Variants in RARB observed in about 807,000 individuals in gnomAD.
RARB encodes HBV-activated protein.
RARB carries 17 observed loss-of-function variants against 51.9 expected under a neutral mutation model. That is an observed-to-expected ratio of 0.33 (90% CI 0.22 to 0.49). The LOEUF is 0.49. Among genes scored for constraint, RARB ranks in the 20% least tolerant of loss-of-function variants. The pLI, the probability that RARB is intolerant of heterozygous loss-of-function variation, is 0.99. For synonymous variants in RARB, 215 were observed against 195.4 expected (o/e 1.10, Z -0.84); for missense variants, 369 against 550.8 (o/e 0.67, Z 3.30).
intron 5 of RARB, among the ~76,000 whole-genome samples, chr3:25,200,167 A>G (rs1315891291): frequency 1.3e-5 from 2 of 152,144 alleles, no homozygotes; most frequent in African/African-American, 4.8e-5. Flanking sequence ...ATCTCACTGC[A>G]GTTTTGATTT....
intron 2 of RARB, among the ~76,000 whole-genome samples, chr3:24,999,547 C>T (rs1697114040): frequency 6.6e-6 from 1 of 152,122 alleles, no homozygotes; most frequent in Admixed American, 6.6e-5. Flanking sequence ...TGTTTAAAGT[C>T]AGTAGTTGAT....
intron 2 of RARB, among the ~76,000 whole-genome samples, chr3:25,057,911 T>C (rs543398612): frequency 6.6e-6 from 1 of 152,116 alleles, no homozygotes; most frequent in South Asian, 2.1e-4. Flanking sequence ...ATGATGTATA[T>C]AGAATTGTGG....
intron 2 of RARB, among the ~76,000 whole-genome samples, chr3:24,998,959 T>G (rs1217681558): frequency 6.6e-6 from 1 of 152,110 alleles, no homozygotes; most frequent in Non-Finnish European, 1.5e-5. Flanking sequence ...CAAAGTATTA[T>G]CCTTACCCTA....
chr3:25,543,100 T>C lies in RARB; in HGVS notation c.449-26658T>C, dbSNP rs145888750. 5.9e-5 allele frequency among the ~76,000 whole-genome samples: 9 copies of C among 152,312 alleles called. No homozygotes were observed. The East Asian group carries it at 1.7e-3, about 29-fold the overall frequency. ...GAAGAGATACTAGTAGAGCCAGGAA[T>C]GCCACTAAACCTCCTGCCAAGGGCC... On this transcript the variant is annotated intron_variant, in intron 3 of 7. Transcript: ENST00000330688.
intron 5 of RARB, among the ~76,000 whole-genome samples, chr3:25,385,447 T>C (rs760359424): frequency 6.6e-6 from 1 of 152,166 alleles, no homozygotes; most frequent in Non-Finnish European, 1.5e-5. Flanking sequence ...ATGAGGCACC[T>C]GTCCTACATG....
chr3:25,382,420 G>A (rs1706655640), intron 5 of RARB, among the ~76,000 whole-genome samples: 2 of 149,174 alleles, frequency 1.3e-5, no homozygotes, highest in African/African-American at 4.9e-5. Flanking sequence ...AATTTCCCCT[G>A]CAGGGACATG....
At chr3:24,854,201 A>G (rs184955098) in intron 1 of RARB, among the ~76,000 whole-genome samples, 339 of 152,328 alleles carry the variant, frequency 2.2e-3, no homozygotes, top group Non-Finnish European at 1.9e-3. Flanking sequence ...CAGGGCAAAC[A>G]TGCAAACTCT....
rs1413825514 is a variant in RARB at position 25,146,499 on chromosome 3, G to GTTTTTTTTTT, written c.-280+14294_-280+14295insTTTTTTTTTT. 5.7e-4 allele frequency among the ~76,000 whole-genome samples: 60 copies of GTTTTTTTTTT among 104,424 alleles called. 10 individuals are homozygous for GTTTTTTTTTT. The highest frequency in any genetic ancestry group is 9.4e-4 in the Non-Finnish European group (47 of 50,210). The allele number at this position is 104,424 out of a possible 152,430, so 68.5% of individuals were successfully genotyped here. A position where few individuals can be genotyped will look rare whatever the true frequency, so the allele number is the denominator to read the frequency against. ...CAGGCTATAATTTGCTAAGTTTTTT[G>GTTTTTTTTTT]TTTGTTTGTTTGTTTTTTTTTTTTT... is the stretch of plus-strand genomic sequence containing the variant. On this transcript the variant is annotated intron_variant, in intron 4 of 11. Coordinates refer to the RARB transcript ENST00000383772.
intron 5 of RARB, among the ~76,000 whole-genome samples, chr3:25,248,133 T>C (rs138570431): frequency 1.3e-5 from 2 of 152,228 alleles, no homozygotes; most frequent in African/African-American, 4.8e-5. Flanking sequence ...ATAATGACTT[T>C]TTGTGTCTCT....
chr3:24,896,151 G>C (rs1703475216), intron 2 of RARB, among the ~76,000 whole-genome samples: 1 of 152,124 alleles, frequency 6.6e-6, no homozygotes, highest in Non-Finnish European at 1.5e-5. Context: ...TGAGCAACCT[G>C]GAATTGTGAA....
chr3:24,841,514 T>C (rs1702421245), intron 1 of RARB, among the ~76,000 whole-genome samples: 1 of 152,256 alleles, frequency 6.6e-6, no homozygotes, highest in South Asian at 2.1e-4. Context: ...TTGAGAATTC[T>C]GTTTCAACGG....
intron 2 of RARB, among the ~76,000 whole-genome samples, chr3:24,964,651 T>A (rs1394458993): frequency 6.6e-6 from 1 of 152,194 alleles, no homozygotes; most frequent in Non-Finnish European, 1.5e-5. Flanking sequence ...CATAAGTTGG[T>A]ACCCATAAGC....
At chr3:25,419,628 T>G (rs1206277135) in intron 5 of RARB, among the ~76,000 whole-genome samples, 1 of 152,168 alleles carries the variant, frequency 6.6e-6, no homozygotes, top group African/African-American at 2.4e-5. Context: ...CCCGAGGACC[T>G]TGATTTAAAT....
chr3:25,001,814 A>C (rs1467285369), intron 2 of RARB, among the ~76,000 whole-genome samples: 2 of 152,086 alleles, frequency 1.3e-5, no homozygotes, highest in Non-Finnish European at 2.9e-5. Context: ...TGTTCACTGA[A>C]TCTTATCACT....
At chr3:25,137,615 G>A (rs534899011) in intron 4 of RARB, among the ~76,000 whole-genome samples, 1 of 152,022 alleles carries the variant, frequency 6.6e-6, no homozygotes, top group Non-Finnish European at 1.5e-5. Context: ...CACTCTTATT[G>A]AATTTAACTG....
intron 2 of RARB, among the ~76,000 whole-genome samples, chr3:25,486,412 G>T (rs995515740): frequency 2.6e-5 from 4 of 152,108 alleles, no homozygotes; most frequent in Non-Finnish European, 4.4e-5. Context: ...CTTCTACTTG[G>T]GTAGAGGTAG....
chr3:25,208,800 G>A (rs750456385), intron 5 of RARB, among the ~76,000 whole-genome samples: 7 of 152,190 alleles, frequency 4.6e-5, no homozygotes, highest in Non-Finnish European at 7.4e-5. Context: ...TGTACCTTTT[G>A]TAACTCACCA....
chr3:24,869,421 A>G (rs1258148810), intron 2 of RARB, among the ~76,000 whole-genome samples: 1 of 152,152 alleles, frequency 6.6e-6, no homozygotes, highest in Admixed American at 6.6e-5. Flanking sequence ...TTAGAAAATT[A>G]AAACACTTAT....
intron 3 of RARB, among the ~76,000 whole-genome samples, chr3:25,527,396 A>G (rs1698701207): frequency 6.6e-6 from 1 of 152,236 alleles, no homozygotes; most frequent in South Asian, 2.1e-4. Flanking sequence ...TGCAACTGAG[A>G]AACACCAAAA....
Sources: allele counts gnomAD v4.1 joint callset (sites outside exome capture counted in the v4.1 genomes callset), GRCh38; gene constraint gnomAD v4.1.1; transcripts MANE v1.5; gene names NCBI Gene and HGNC (gene_info 2026-07-23, HGNC 2026-07-21).